The following NIBAN1 variants were observed in gnomAD, a reference collection of about 807,000 sequenced individuals.
The protein encoded by NIBAN1 is protein Niban 1.
NIBAN1 carries 81 observed loss-of-function variants against 75.1 expected under a neutral mutation model. That is an observed-to-expected ratio of 1.08 (90% CI 0.90 to 1.30). NIBAN1 has a LOEUF of 1.30. Among genes scored for constraint, NIBAN1 ranks in the 50% most tolerant of loss-of-function variants. The probability of loss-of-function intolerance (pLI) is 0.00; values close to 1 mark genes in which losing one functional copy is unlikely to be tolerated. For missense variants in NIBAN1, 1,133 were observed against 1,128.1 expected (o/e 1.00, Z -0.06); for synonymous variants, 436 against 424.8 (o/e 1.03, Z -0.32).
intron 5 of NIBAN1, among the ~76,000 whole-genome samples, chr1:184,876,515 T>A (rs932514635): frequency 2.4e-4 from 36 of 151,906 alleles, no homozygotes; most frequent in African/African-American, 8.0e-4. Context: ...CCAGCCAACA[T>A]GGTGAAACTC....
intron 5 of NIBAN1, among the ~76,000 whole-genome samples, chr1:184,837,038 T>C (rs766439239): frequency 2.0e-5 from 3 of 152,334 alleles, no homozygotes; most frequent in Non-Finnish European, 4.4e-5. Context: ...AATGGTAATA[T>C]AAAAGCTTCA....
chr1:184,955,055 T>G (rs1171632827), intron 1 of NIBAN1, among the ~76,000 whole-genome samples: 2 of 152,332 alleles, frequency 1.3e-5, no homozygotes, highest in Non-Finnish European at 2.9e-5. Flanking sequence ...ATATATGTTA[T>G]TTAGCCCAAT....
intron 1 of NIBAN1, among the ~76,000 whole-genome samples, chr1:184,914,995 T>C (rs1040117896): frequency 2.6e-5 from 4 of 152,252 alleles, no homozygotes; most frequent in African/African-American, 9.6e-5. Context: ...GTGCTGGGAT[T>C]ACAGGCGTGA....
Position 184,794,192 on chromosome 1 carries a change from G to C in NIBAN1, c.*785C>G, listed in dbSNP as rs552724775. On this transcript the variant is annotated 3_prime_UTR_variant, in exon 14 of 14. Transcript: ENST00000367511. ...TGTTTAATTGACGGGTTTTAAGCTC[G>C]ATAACTTAGCTAAGCCCTTTGCACA... The C allele has an allele frequency of 6.6e-6, 1 of 152,268 alleles. No individual in the cohort carries two copies. Among genetic ancestry groups the C allele is most frequent in the South Asian group, 2.1e-4 (1 of 4,818 alleles). The allele number at this position is 152,268 out of a possible 1,614,324, so 9.4% of individuals were successfully genotyped here.
intron 6 of NIBAN1, among the ~76,000 whole-genome samples, chr1:184,824,272 G>A (rs927793695): frequency 6.6e-6 from 1 of 152,104 alleles, no homozygotes; most frequent in Non-Finnish European, 1.5e-5. Flanking sequence ...TTTAGTAAAC[G>A]AAGGGAGGAG....
intron 5 of NIBAN1, among the ~76,000 whole-genome samples, chr1:184,833,708 AT>A (rs1428926972): frequency 6.6e-6 from 1 of 152,206 alleles, no homozygotes; most frequent in African/African-American, 2.4e-5. Flanking sequence ...TCTCAAAAAA[AT>A]AAATAGATAA....
At chr1:184,810,387 T>G (rs1433203109) in intron 9 of NIBAN1, among the ~76,000 whole-genome samples, 4 of 152,222 alleles carry the variant, frequency 2.6e-5, no homozygotes, top group African/African-American at 9.7e-5. Context: ...TTTGCATTTT[T>G]AACAACCAGG....
chr1:184,810,945 C>T (rs1179400262), intron 9 of NIBAN1, among the ~76,000 whole-genome samples: 1 of 152,240 alleles, frequency 6.6e-6, no homozygotes, highest in Non-Finnish European at 1.5e-5. Flanking sequence ...CAGGTCCCAC[C>T]TGTGTCCATT....
intron 5 of NIBAN1, among the ~76,000 whole-genome samples, chr1:184,882,930 CA>C (rs1160061156): frequency 6.6e-6 from 1 of 152,134 alleles, no homozygotes; most frequent in African/African-American, 2.4e-5. Flanking sequence ...ATAAGGGTAT[CA>C]TTTTTTTAAA....
At chr1:184,856,208 A>T (rs1377364813) in intron 5 of NIBAN1, among the ~76,000 whole-genome samples, 1 of 152,122 alleles carries the variant, frequency 6.6e-6, no homozygotes, top group Non-Finnish European at 1.5e-5. Context: ...TAGGCTCCTG[A>T]TTGACATCAT....
intron 5 of NIBAN1, among the ~76,000 whole-genome samples, chr1:184,854,364 CT>C (rs1655621484): frequency 6.6e-6 from 1 of 152,228 alleles, no homozygotes; most frequent in African/African-American, 2.4e-5. Flanking sequence ...AGAAACTTGA[CT>C]TTTTCTATAA....
At chr1:184,866,036 C>T (rs979472320) in intron 5 of NIBAN1, among the ~76,000 whole-genome samples, 2 of 152,048 alleles carry the variant, frequency 1.3e-5, no homozygotes, top group Non-Finnish European at 2.9e-5. Flanking sequence ...GACCTACTTC[C>T]CATGCTCCTT....
chr1:184,945,803 A>G (rs906851335), intron 1 of NIBAN1, among the ~76,000 whole-genome samples: 1 of 152,206 alleles, frequency 6.6e-6, no homozygotes, highest in Non-Finnish European at 1.5e-5. Context: ...AAGAAGGCAG[A>G]TTTCAAAAGA....
At chr1:184,939,313 G>GA (rs1428091516) in intron 1 of NIBAN1, among the ~76,000 whole-genome samples, 1 of 152,110 alleles carries the variant, frequency 6.6e-6, no homozygotes, top group Non-Finnish European at 1.5e-5. Flanking sequence ...AACAAAGGTA[G>GA]AAAAAAATCT....
chr1:184,881,384 A>G lies in NIBAN1; in HGVS notation c.601+3249T>C, dbSNP rs190207895. 5.9e-4 allele frequency among the ~76,000 whole-genome samples: 90 copies of G among 152,244 alleles called. 1 individual carries two copies. The highest frequency in any genetic ancestry group is 5.8e-3 in the Admixed American group (88 of 15,286). Reference sequence around the variant, plus strand: ...TGAAAATGTAGCCAAATTCAGACCCAACACTTCTGGCGCAAGTGGGCTAGG... The same window carrying G: ...TGAAAATGTAGCCAAATTCAGACCCGACACTTCTGGCGCAAGTGGGCTAGG... On this transcript the variant is annotated intron_variant, in intron 5 of 13. Transcript: ENST00000367511.
chr1:184,907,929 A>T (rs953632950), intron 1 of NIBAN1, among the ~76,000 whole-genome samples: 1 of 152,194 alleles, frequency 6.6e-6, no homozygotes, highest in African/African-American at 2.4e-5. Context: ...GTTCTCTGTG[A>T]TTTACTTTGG....
At chr1:184,894,279 C>T in intron 2 of NIBAN1, 73 bp from the exon 3 acceptor site, 2 of 1,443,310 alleles carry the variant, frequency 1.4e-6, no homozygotes, top group Non-Finnish European at 1.8e-6. Context: ...GTTATCCATG[C>T]TATTTCAAGG....
chr1:184,831,675 G>A (rs1344446368), intron 6 of NIBAN1, among the ~76,000 whole-genome samples, 172 bp downstream of exon 6: 1 of 152,196 alleles, frequency 6.6e-6, no homozygotes, highest in African/African-American at 2.4e-5. Context: ...TTTGTAGTAG[G>A]TGCCCAGTAG....
At chr1:184,926,424 G>A (rs1297245567) in intron 1 of NIBAN1, among the ~76,000 whole-genome samples, 1 of 152,162 alleles carries the variant, frequency 6.6e-6, no homozygotes, top group East Asian at 1.9e-4. Context: ...GTTTCGTAGA[G>A]ACGGGGCTTC....
Sources: gnomAD v4.1 joint callset for allele counts (sites outside exome capture counted in the v4.1 genomes callset) on GRCh38, gnomAD v4.1.1 for gene constraint, MANE v1.5 for transcripts, NCBI Gene and HGNC (gene_info 2026-07-23, HGNC 2026-07-21) for gene names.